The following SLC2A3 variants were observed in gnomAD, a reference collection of about 807,000 sequenced individuals.
SLC2A3 encodes solute carrier family 2, facilitated glucose transporter member 3.
A neutral mutation model predicts 46.4 loss-of-function variants in SLC2A3; 21 were observed. The observed-to-expected ratio is 0.45, with a 90% CI of 0.32 to 0.65. The LOEUF is 0.65. Among genes scored for constraint, SLC2A3 ranks in the 30% least tolerant of loss-of-function variants. The pLI, the probability that SLC2A3 is intolerant of heterozygous loss-of-function variation, is 0.04. For synonymous variants in SLC2A3, 213 were observed against 239.4 expected (o/e 0.89, Z 1.02); for missense variants, 499 against 623.3 (o/e 0.80, Z 2.12).
chr12:7,927,815 A>G (rs1246646448), intron 6 of SLC2A3, among the ~76,000 whole-genome samples: 2 of 152,144 alleles, frequency 1.3e-5, no homozygotes, highest in African/African-American at 4.8e-5. Context: ...GAGGTGGGTC[A>G]CACCTGTAAG....
At position 7,921,156 on chromosome 12, in the gene SLC2A3, C is replaced by T. The variant is rs1393116329; in HGVS notation, c.*257G>A. Reference sequence around the variant, plus strand: ...GCTGGCAAAGTTGTCATGTGCCAAGCGGCCAATCCCTCCTGAAATGAAGGT... The same window carrying T: ...GCTGGCAAAGTTGTCATGTGCCAAGTGGCCAATCCCTCCTGAAATGAAGGT... On this transcript the variant is annotated 3_prime_UTR_variant, in exon 10 of 10. Coordinates refer to ENST00000075120, the MANE Select transcript of SLC2A3 (RefSeq NM_006931.3). 66 of 748,194 alleles carry T rather than the reference C, an allele frequency of 8.8e-5. No homozygotes were observed. The highest frequency in any genetic ancestry group is 8.2e-4 in the South Asian group (52 of 63,582). 46.3% of individuals were successfully genotyped at this position (748,194 alleles called of 1,614,324 possible).
At chr12:7,933,702 T>C in intron 2 of SLC2A3, 108 bp downstream of exon 2, 1 of 1,179,716 alleles carries the variant, frequency 8.5e-7, no homozygotes, top group Non-Finnish European at 1.2e-6. Context: ...TAGCTGGGAC[T>C]CCAGGCAGAT....
In SLC2A3 at chr12:7,921,166, C is replaced by T. The variant is rs1269449683; in HGVS notation, c.*247G>A. 1 of 818,796 alleles carries T rather than the reference C, an allele frequency of 1.2e-6. No homozygotes were observed. The highest frequency in any genetic ancestry group is 1.9e-6 in the Non-Finnish European group (1 of 526,118). 50.7% of individuals were successfully genotyped at this position (818,796 alleles called of 1,614,324 possible). A position where few individuals can be genotyped will look rare whatever the true frequency, so the allele number is the denominator to read the frequency against. ...TTGTCATGTGCCAAGCGGCCAATCC[C>T]TCCTGAAATGAAGGTAGGTTCACTC... On this transcript the variant is annotated 3_prime_UTR_variant, in exon 10 of 10. Transcript: ENST00000075120.
Position 7,922,878 on chromosome 12 carries a change from G to A in SLC2A3, c.1215C>T (p.Ala405=), listed in dbSNP as rs758674645. The change falls in exon 9 of 10, where the codon GCC becomes GCT. Residue 405 remains alanine, a synonymous_variant. Coordinates refer to ENST00000075120, the MANE Select transcript of SLC2A3 (RefSeq NM_006931.3). ...AGTTGGAGGTCCAGTTGGAGCAGCC[G>A]GCCACTGCCATCGCAGCTGGGCGGG... The part of the protein sequence containing the change: ...QGPRPAAMAV[A]GCSNWTSNFL... 81 of 1,614,074 alleles carry A rather than the reference G, an allele frequency of 5.0e-5. No homozygotes were observed. The highest frequency in any genetic ancestry group is 5.9e-5 in the Non-Finnish European group (70 of 1,179,970).
At position 7,925,743 on chromosome 12, in the gene SLC2A3, A is replaced by C. The variant is rs1451467750; in HGVS notation, c.966+101T>G. 8.5e-6 allele frequency: 8 copies of C among 939,764 alleles called. No individual in the cohort carries two copies. The East Asian group carries it at 1.9e-4, about 23-fold the overall frequency. The allele number at this position is 939,764 out of a possible 1,614,324, so 58.2% of individuals were successfully genotyped here. On this transcript the variant is annotated intron_variant, in intron 7 of 9. Coordinates refer to ENST00000075120, the MANE Select transcript of SLC2A3 (RefSeq NM_006931.3). Reference sequence around the variant, plus strand: ...TTTTCCCAAAGGAAAATTAAGCAACAAAAAGGTAACTAAATGATGGTAGGG... The same window carrying C: ...TTTTCCCAAAGGAAAATTAAGCAACCAAAAGGTAACTAAATGATGGTAGGG...
chr12:7,931,605 CT>C (rs1946157000), intron 3 of SLC2A3, 120 bp from the exon 4 acceptor site: 4 of 1,435,262 alleles, frequency 2.8e-6, no homozygotes, highest in Non-Finnish European at 3.7e-6. Flanking sequence ...TTTAATCTAA[CT>C]TTTGTTTTTC....
Position 7,921,255 on chromosome 12 carries a change from C to A in SLC2A3, c.*158G>T. On this transcript the variant is annotated 3_prime_UTR_variant, in exon 10 of 10. Transcript: ENST00000075120. ...ATTTAAAAAGCCATTGAAGATCCAACAAACCGCAGCCTTGGGGTGCTCATG... is the reference window on the plus strand; with the variant it reads ...ATTTAAAAAGCCATTGAAGATCCAAAAAACCGCAGCCTTGGGGTGCTCATG... The A allele has an allele frequency of 2.1e-6, 3 of 1,452,874 alleles. No individual in the cohort carries two copies. The highest frequency in any genetic ancestry group is 2.8e-6 in the Non-Finnish European group (3 of 1,071,712). 90.0% of individuals were successfully genotyped at this position (1,452,874 alleles called of 1,614,324 possible).
intron 3 of SLC2A3, chr12:7,932,743 T>C: frequency 2.0e-6 from 1 of 496,214 alleles, no homozygotes; most frequent in East Asian, 3.1e-5. Flanking sequence ...GAACTATCCC[T>C]AGCTGGACTG....
rs878976253 is a variant in SLC2A3, at chr12:7,921,436, T to C, written c.1468A>G (p.Lys490Glu). 3 of 1,614,012 alleles carry C rather than the reference T, an allele frequency of 1.9e-6. No homozygotes were observed. Among genetic ancestry groups the C allele is most frequent in the East Asian group, 4.5e-5 (2 of 44,884 alleles). Residue 490 changes from lysine (K) to glutamate (E), a missense_variant, in exon 10 of 10, where the codon AAG becomes GAG. Lys to Glu is a moderately conservative substitution (Grantham distance 56). Transcript: ENST00000075120. ...ACTTAGACATTGGTGGTGGTCTCCT[T>C]AGCAGGCTCGATGCTGTTCATCTCC... ...VMEMNSIEPAKETTTNV is the reference protein window; with the variant it reads ...VMEMNSIEPAEETTTNV
intron 6 of SLC2A3, among the ~76,000 whole-genome samples, chr12:7,927,620 AT>A (rs71769049): frequency 0.014 from 2,169 of 152,132 alleles, 45 homozygotes; most frequent in African/African-American, 0.048. Flanking sequence ...CATCAGATTT[AT>A]TTTTTTACAG....
In SLC2A3 at chr12:7,921,351, T is replaced by C; in HGVS notation, c.*62A>G. On this transcript the variant is annotated 3_prime_UTR_variant, in exon 10 of 10. Coordinates refer to ENST00000075120, the MANE Select transcript of SLC2A3 (RefSeq NM_006931.3). ...GTCCTGGGTTCATCCTGATGAGGTC[T>C]CTCCCTTGTTGAGGGAGAGGTGGCT... The C allele has an allele frequency of 6.2e-7, 1 of 1,612,422 alleles. No individual in the cohort carries two copies. The highest frequency in any genetic ancestry group is 1.1e-5 in the South Asian group (1 of 91,000).
chr12:7,929,462 T>A, intron 6 of SLC2A3: 2 of 639,504 alleles, frequency 3.1e-6, no homozygotes, highest in Non-Finnish European at 5.0e-6. Context: ...TCTTTTTTTT[T>A]TTTCCTTTTT....
chr12:7,929,816 T>A lies in SLC2A3; in HGVS notation c.729A>T (p.Lys243Asn). ...QDVSQDIQEMKDESARMSQEK... is the reference protein window; with the variant it reads ...QDVSQDIQEMNDESARMSQEK... ...CTTGTGACATCCTTGCACTCTCATC[T>A]TTCATCTCCTGGATGTCTTGGGATA... Residue 243 changes from lysine to asparagine, a missense_variant, in exon 6 of 10, where the codon AAA (lysine) becomes AAT (asparagine). Lys to Asn is a moderately conservative substitution (Grantham distance 94). Around this residue, in one of 5 missense-constraint regions of SLC2A3, gnomAD observed 5 missense variants for 22.9 expected, o/e 0.22. Coordinates refer to ENST00000075120, the MANE Select transcript of SLC2A3 (RefSeq NM_006931.3). 1 of 1,613,686 alleles carries A rather than the reference T, an allele frequency of 6.2e-7. No individual in the cohort carries two copies. The highest frequency in any genetic ancestry group is 1.1e-5 in the South Asian group (1 of 91,062).
At chr12:7,926,811 C>A (rs886201976) in intron 6 of SLC2A3, among the ~76,000 whole-genome samples, 3 of 152,090 alleles carry the variant, frequency 2.0e-5, no homozygotes, top group Non-Finnish European at 4.4e-5. Flanking sequence ...GGCCTAGGCC[C>A]TTTTGAAGTG....
At chr12:7,928,326 AGGTG>A (rs1946115964) in intron 6 of SLC2A3, among the ~76,000 whole-genome samples, 1 of 151,678 alleles carries the variant, frequency 6.6e-6, no homozygotes, top group Non-Finnish European at 1.5e-5. Flanking sequence ...TGAACCCAGG[AGGTG>A]GAGGTTGCAG....
intron 9 of SLC2A3, among the ~76,000 whole-genome samples, chr12:7,922,355 G>A (rs1946045962): frequency 6.6e-6 from 1 of 151,970 alleles, no homozygotes; most frequent in Non-Finnish European, 1.5e-5. Flanking sequence ...TTGAGCCACT[G>A]TGTCTGGCCG....
At chr12:7,930,794 T>C in intron 4 of SLC2A3, 152 bp from the exon 5 acceptor site, 2 of 103,954 alleles carry the variant, frequency 1.9e-5, no homozygotes, top group East Asian at 2.3e-4. Context: ...TCAGCATGGT[T>C]TTTTTTTTTT....
At chr12:7,927,562 A>T (rs1293103733) in intron 6 of SLC2A3, among the ~76,000 whole-genome samples, 1 of 88,296 alleles carries the variant, frequency 1.1e-5, no homozygotes, top group Non-Finnish European at 2.9e-5. Flanking sequence ...ATTAGAAATC[A>T]TCATTTGTGC....
chr12:7,935,521 C>T (rs894661730), intron 1 of SLC2A3, among the ~76,000 whole-genome samples: 2 of 152,194 alleles, frequency 1.3e-5, no homozygotes, highest in Non-Finnish European at 2.9e-5. Context: ...GTATGTCCTG[C>T]ACTCACGATT....
Sources: gnomAD v4.1 joint callset for allele counts (sites outside exome capture counted in the v4.1 genomes callset) on GRCh38, gnomAD v4.1.1 for gene constraint, gnomAD v4.1.1 regional missense constraint, MANE v1.5 for transcripts, NCBI Gene and HGNC (gene_info 2026-07-23, HGNC 2026-07-21) for gene names.